Variants in GPBP1L1 observed in about 807,000 individuals in gnomAD.
The protein encoded by GPBP1L1 is GC-rich promoter binding protein 1 like 1.
Under a neutral mutation model 52.5 loss-of-function variants are expected in GPBP1L1, and 23 were observed. That is an observed-to-expected ratio of 0.44 (90% CI 0.32 to 0.62). GPBP1L1 has a LOEUF of 0.62. Ranked by LOEUF, GPBP1L1 falls within the 20% of genes least tolerant of loss-of-function variation. GPBP1L1 has a pLI of 0.06. For synonymous variants in GPBP1L1, 243 were observed against 203.1 expected, an observed-to-expected ratio of 1.20 and a Z score of -1.67; for missense variants, 596 against 579.3, an observed-to-expected ratio of 1.03 and a Z score of -0.30.
chr1:45,634,111 C>CA lies in GPBP1L1; in HGVS notation c.869dup (p.Ser291GlufsTer15), dbSNP rs1557695006. 6.2e-7 allele frequency: 1 copy of CA among 1,611,536 alleles called. No homozygotes were observed. Among genetic ancestry groups the CA allele is most frequent in the Non-Finnish European group, 8.5e-7 (1 of 1,178,348 alleles). ...CCTCACTCACCTCTTTGGGAGAACT[C>CA]AGAGCTGCACCACTAGCCAGTACCA... is the stretch of plus-strand genomic sequence containing the variant. On this transcript the variant is annotated frameshift_variant, in exon 9 of 13. Transcript: ENST00000355105. LOFTEE classifies it high-confidence loss of function.
rs143885167 is a variant in GPBP1L1, at chr1:45,669,092, T to C, written c.-1097-7867A>G. On this transcript the variant is annotated intron_variant, in intron 2 of 12. Transcript: ENST00000355105. ...CAACCATGAAATAGTTTCCATTCTATCTATACTATATAAAACAATTAAAAA... is the reference window on the plus strand; with the variant it reads ...CAACCATGAAATAGTTTCCATTCTACCTATACTATATAAAACAATTAAAAA... Among the ~76,000 whole-genome samples, 5 of 152,362 alleles carry C rather than the reference T, an allele frequency of 3.3e-5. No homozygotes were observed. The East Asian group carries it at 9.6e-4, about 29-fold the overall frequency.
chr1:45,636,922 A>T (rs1644600962), intron 8 of GPBP1L1, among the ~76,000 whole-genome samples: 1 of 152,132 alleles, frequency 6.6e-6, no homozygotes, highest in Non-Finnish European at 1.5e-5. Flanking sequence ...TAAAAGCCTG[A>T]CTCTATCACT....
intron 8 of GPBP1L1, among the ~76,000 whole-genome samples, chr1:45,639,785 G>C (rs1644646908): frequency 6.6e-6 from 1 of 152,098 alleles, no homozygotes; most frequent in Non-Finnish European, 1.5e-5. Context: ...GGAGGCTGAG[G>C]AAGAATGGTG....
chr1:45,632,666 A>G (rs1419749771), intron 10 of GPBP1L1, among the ~76,000 whole-genome samples: 1 of 152,252 alleles, frequency 6.6e-6, no homozygotes, highest in Non-Finnish European at 1.5e-5. Flanking sequence ...CAATGAGCCC[A>G]GATCGTGCCA....
intron 2 of GPBP1L1, among the ~76,000 whole-genome samples, chr1:45,684,860 A>G (rs552353978): frequency 6.6e-6 from 1 of 152,352 alleles, no homozygotes; most frequent in East Asian, 1.9e-4. Context: ...TGTATTTGAA[A>G]AAACGTCAAA....
chr1:45,665,448 G>C (rs1644997931), intron 2 of GPBP1L1, among the ~76,000 whole-genome samples: 1 of 151,778 alleles, frequency 6.6e-6, no homozygotes, highest in Non-Finnish European at 1.5e-5. Flanking sequence ...AATCCAAGGA[G>C]AACATAAAGA....
intron 10 of GPBP1L1, chr1:45,630,845 G>C: frequency 2.1e-6 from 1 of 479,270 alleles, no homozygotes; most frequent in Non-Finnish European, 3.8e-6. Flanking sequence ...AATAAAACCA[G>C]AGTACTGATA....
intron 2 of GPBP1L1, 134 bp downstream of exon 2, chr1:45,685,442 G>C (rs2148531600): frequency 6.6e-6 from 1 of 152,294 alleles, no homozygotes; most frequent in Non-Finnish European, 1.5e-5. Context: ...GCCAACTTCA[G>C]AGCACGAAGT....
In GPBP1L1 at chr1:45,654,525, C is replaced by A; in HGVS notation, c.477+18G>T. On this transcript the variant is annotated intron_variant, in intron 6 of 12. Coordinates refer to ENST00000355105, the MANE Select transcript of GPBP1L1 (RefSeq NM_021639.5). Reference sequence around the variant, plus strand: ...TATTTGTTGGCTTCTAACCACACATCTAAAGATTCATACTTACAAAGTCCT... The same window carrying A: ...TATTTGTTGGCTTCTAACCACACATATAAAGATTCATACTTACAAAGTCCT... 1 of 1,590,938 alleles carries A rather than the reference C, an allele frequency of 6.3e-7. No homozygotes were observed. The highest frequency in any genetic ancestry group is 8.6e-7 in the Non-Finnish European group (1 of 1,164,592).
At chr1:45,645,922 GA>G in intron 6 of GPBP1L1, 1 of 497,244 alleles carries the variant, frequency 2.0e-6, no homozygotes, top group East Asian at 5.4e-5. Context: ...AAATGGTTGG[GA>G]TAGAAGCAGA....
At chr1:45,633,750 ACT>A (rs1644560602) in intron 9 of GPBP1L1, 103 bp from the exon 10 acceptor site, 7 of 1,202,392 alleles carry the variant, frequency 5.8e-6, no homozygotes, top group South Asian at 4.4e-5. Context: ...CCTATTTATC[ACT>A]CTGTCTTAAA....
rs983455957 is a variant in GPBP1L1 at position 45,628,132 on chromosome 1, T to C, written c.*124A>G. 9.6e-6 allele frequency: 9 copies of C among 939,364 alleles called. No individual in the cohort carries two copies. Among genetic ancestry groups the C allele is most frequent in the African/African-American group, 1.6e-5 (1 of 60,984 alleles). 58.2% of individuals were successfully genotyped at this position (939,364 alleles called of 1,614,324 possible). On this transcript the variant is annotated 3_prime_UTR_variant, in exon 13 of 13. Transcript: ENST00000355105. ...AGCCAATTGCTCTCTCTTTGGGATA[T>C]GATTATTTCCCTTGTGAATGAAGTA...
chr1:45,643,486 TAGG>T (rs1389053050), intron 6 of GPBP1L1, among the ~76,000 whole-genome samples: 1 of 152,012 alleles, frequency 6.6e-6, no homozygotes, highest in African/African-American at 2.4e-5. Context: ...AAGAGACCAT[TAGG>T]AGATCAATTC....
At chr1:45,637,080 C>T (rs566048406) in intron 8 of GPBP1L1, among the ~76,000 whole-genome samples, 6 of 152,248 alleles carry the variant, frequency 3.9e-5, no homozygotes, top group African/African-American at 1.4e-4. Flanking sequence ...TATTTGAATC[C>T]CAGTTATCCG....
chr1:45,685,832 G>T (rs189078795), intron 1 of GPBP1L1, among the ~76,000 whole-genome samples: 58 of 152,266 alleles, frequency 3.8e-4, no homozygotes, highest in African/African-American at 1.4e-3. Context: ...AAACATTTCA[G>T]GATCGACCAG....
intron 6 of GPBP1L1, among the ~76,000 whole-genome samples, chr1:45,642,986 C>T (rs954969695): frequency 3.3e-5 from 5 of 151,958 alleles, no homozygotes; most frequent in Non-Finnish European, 7.4e-5. Context: ...TGTCTTCACA[C>T]GGGTCACAGT....
Position 45,629,455 on chromosome 1 carries a change from C to CCCT in GPBP1L1, c.1272+120_1272+121insAGG. ...CCCACTACATTTCTACTAAGGTAAT[C>CCCT]CCCCCCCCCCCCACCCGATCTTTCT... is the stretch of plus-strand genomic sequence containing the variant. On this transcript the variant is annotated intron_variant, in intron 12 of 12. Coordinates refer to ENST00000355105, the MANE Select transcript of GPBP1L1 (RefSeq NM_021639.5). 1.9e-4 allele frequency: 9 copies of CCCT among 48,056 alleles called. 2 individuals are homozygous for CCCT. The highest frequency in any genetic ancestry group is 6.5e-4 in the South Asian group (2 of 3,092). The allele number at this position is 48,056 out of a possible 1,614,324, so 3.0% of individuals were successfully genotyped here. A position where few individuals can be genotyped will look rare whatever the true frequency, so the allele number is the denominator to read the frequency against.
intron 2 of GPBP1L1, among the ~76,000 whole-genome samples, chr1:45,684,266 AAAAAAAAAAAAG>A (rs1342032564): frequency 6.6e-6 from 1 of 150,954 alleles, no homozygotes; most frequent in Non-Finnish European, 1.5e-5. Flanking sequence ...CTCAAAAAAA[AAAAAAAAAAAAG>A]AAAAAGAAAA....
At chr1:45,679,165 G>C (rs1645182453) in intron 2 of GPBP1L1, among the ~76,000 whole-genome samples, 1 of 150,388 alleles carries the variant, frequency 6.6e-6, no homozygotes, top group African/African-American at 2.5e-5. Flanking sequence ...TTTGAGAATT[G>C]GGGCAGATAA....
Sources: gnomAD v4.1 joint callset for allele counts (sites outside exome capture counted in the v4.1 genomes callset) on GRCh38, gnomAD v4.1.1 for gene constraint, MANE v1.5 for transcripts, NCBI Gene and HGNC (gene_info 2026-07-23, HGNC 2026-07-21) for gene names.